The following GRIN2A variants were observed in gnomAD, a reference collection of about 807,000 sequenced individuals.
GRIN2A encodes the protein glutamate ionotropic receptor NMDA type subunit 2A.
GRIN2A carries 22 observed loss-of-function variants against 113.4 expected under a neutral mutation model. That is an observed-to-expected ratio of 0.19 (90% confidence interval 0.14 to 0.28). The LOEUF is 0.28. Among genes scored for constraint, GRIN2A ranks in the 10% least tolerant of loss-of-function variants. The probability of loss-of-function intolerance (pLI) is 1.00; values close to 1 mark genes in which losing one functional copy is unlikely to be tolerated. For missense variants in GRIN2A, 1,502 were observed against 1,887.0 expected, an observed-to-expected ratio of 0.80 and a Z score of 3.78; for synonymous variants, 827 against 738.4, an observed-to-expected ratio of 1.12 and a Z score of -1.94.
At chr16:10,152,733 G>C (rs954167150) in intron 2 of GRIN2A, among the ~76,000 whole-genome samples, 4 of 152,156 alleles carry the variant, frequency 2.6e-5, no homozygotes, top group Admixed American at 1.3e-4. Context: ...GGTACATCCA[G>C]ACAATAGAAT....
rs765294131 is a variant in GRIN2A, at chr16:10,078,763, TG to T, written c.414+101234del. 3.9e-5 allele frequency among the ~76,000 whole-genome samples: 6 copies of T among 152,280 alleles called. No homozygotes were observed. The East Asian group carries it at 1.2e-3, about 30-fold the overall frequency. On this transcript the variant is annotated intron_variant, in intron 2 of 12. Coordinates refer to ENST00000330684, the MANE Select transcript of GRIN2A (RefSeq NM_001134407.3). ...CAGGCCAAGAGAGGTGAGAAGCTGC[TG>T]GGGAGCTGATGTCACCACTACCCCC...
chr16:10,010,864 C>G (rs1305931909), intron 2 of GRIN2A, among the ~76,000 whole-genome samples: 1 of 152,186 alleles, frequency 6.6e-6, no homozygotes, highest in East Asian at 1.9e-4. Context: ...CTGCACAACT[C>G]CAGGGGGCAG....
intron 11 of GRIN2A, among the ~76,000 whole-genome samples, chr16:9,778,085 C>G (rs1349216092): frequency 6.6e-6 from 1 of 152,018 alleles, no homozygotes; most frequent in Non-Finnish European, 1.5e-5. Flanking sequence ...CAACAAAAAA[C>G]CCAACTACAA....
rs911953324 is a variant in GRIN2A at position 9,819,697 on chromosome 16, C to G, written c.2168+2567G>C. ...AATGACTTGTGGCTGGGTGCAGTGG[C>G]TCATGACTGTAATCCCAGCACTTTG... is the stretch of plus-strand genomic sequence containing the variant. On this transcript the variant is annotated intron_variant, in intron 10 of 12. Coordinates refer to ENST00000330684, the MANE Select transcript of GRIN2A (RefSeq NM_001134407.3). Among the ~76,000 whole-genome samples, 3 of 151,958 alleles carry G rather than the reference C, an allele frequency of 2.0e-5. 1 individual carries two copies. Among genetic ancestry groups the G allele is most frequent in the Admixed American group, 2.0e-4 (3 of 15,262 alleles).
intron 2 of GRIN2A, among the ~76,000 whole-genome samples, chr16:10,119,604 C>A (rs888420875): frequency 1.3e-5 from 2 of 152,164 alleles, no homozygotes; most frequent in Non-Finnish European, 2.9e-5. Flanking sequence ...TTCAGGGGTA[C>A]ATGTGCAGGT....
Position 9,756,569 on chromosome 16 carries a change from C to T in GRIN2A, c.*6580G>A, listed in dbSNP as rs1374460952. On this transcript the variant is annotated 3_prime_UTR_variant, in exon 13 of 13. Transcript: ENST00000330684. Reference sequence around the variant, plus strand: ...ATGTCTAACGTTAGGGATTTACTAGCTAATTCTAGTTGCTGACGAGGTTGA... The same window carrying T: ...ATGTCTAACGTTAGGGATTTACTAGTTAATTCTAGTTGCTGACGAGGTTGA... The T allele has an allele frequency of 4.9e-6, 1 of 204,544 alleles. No homozygotes were observed. Among genetic ancestry groups the T allele is most frequent in the Non-Finnish European group, 1.0e-5 (1 of 99,914 alleles). 12.7% of individuals were successfully genotyped at this position (204,544 alleles called of 1,614,324 possible). A position where few individuals can be genotyped will look rare whatever the true frequency, so the allele number is the denominator to read the frequency against.
chr16:9,775,205 A>AT (rs3216481), intron 11 of GRIN2A, among the ~76,000 whole-genome samples: 27 of 150,172 alleles, frequency 1.8e-4, no homozygotes, highest in South Asian at 6.4e-4. Flanking sequence ...ACGTCTACAT[A>AT]TTTTTTTTTT....
In GRIN2A at chr16:10,039,813, AAGAG is replaced by A. The variant is rs142696536; in HGVS notation, c.415-101266_415-101263del. ...GAGGGGGAGGGGGAGGGGGGGGAGA[AAGAG>A]AGAGAGAGAGAGAGAGAGGAGTCCT... On this transcript the variant is annotated intron_variant, in intron 2 of 12. Coordinates refer to ENST00000330684, the MANE Select transcript of GRIN2A (RefSeq NM_001134407.3). 1.8e-3 allele frequency among the ~76,000 whole-genome samples: 134 copies of A among 73,554 alleles called. 2 individuals are homozygous for A. Among genetic ancestry groups the A allele is most frequent in the East Asian group, 0.017 (34 of 2,052 alleles). The allele number at this position is 73,554 out of a possible 152,430, so 48.3% of individuals were successfully genotyped here.
intron 2 of GRIN2A, chr16:10,121,426 A>G (rs1271489860): frequency 2.0e-5 from 3 of 152,126 alleles, no homozygotes; most frequent in Non-Finnish European, 4.4e-5. Flanking sequence ...ACATCCGAAG[A>G]TTACCCCACA....
At chr16:9,791,213 G>A (rs1902586843) in intron 11 of GRIN2A, among the ~76,000 whole-genome samples, 1 of 152,090 alleles carries the variant, frequency 6.6e-6, no homozygotes, top group East Asian at 1.9e-4. Flanking sequence ...TAGCTTAGAG[G>A]TCTTTATGGG....
intron 2 of GRIN2A, among the ~76,000 whole-genome samples, chr16:10,155,971 G>T (rs1250749581): frequency 2.6e-5 from 4 of 152,182 alleles, no homozygotes; most frequent in African/African-American, 9.7e-5. Flanking sequence ...CAAGTTCAAA[G>T]GCTCAAAGGA....
intron 4 of GRIN2A, among the ~76,000 whole-genome samples, chr16:9,856,312 G>T (rs1238332419): frequency 2.6e-5 from 4 of 152,072 alleles, no homozygotes; most frequent in African/African-American, 7.2e-5. Context: ...TATTTTAAAG[G>T]TTACAACAAG....
chr16:9,770,583 A>G (rs921695876), intron 11 of GRIN2A, among the ~76,000 whole-genome samples: 2 of 152,046 alleles, frequency 1.3e-5, no homozygotes, highest in African/African-American at 4.8e-5. Flanking sequence ...TGCAATCTAT[A>G]TTTTCTCTCT....
intron 2 of GRIN2A, among the ~76,000 whole-genome samples, chr16:9,964,644 C>T (rs919786556): frequency 2.0e-5 from 3 of 152,066 alleles, no homozygotes; most frequent in Admixed American, 6.5e-5. Flanking sequence ...CGGCTTATGA[C>T]TCCTTCCTTC....
At position 9,848,671 on chromosome 16, in the gene GRIN2A, T is replaced by C. The variant is rs573666262; in HGVS notation, c.1328+1085A>G. The stretch of plus-strand genomic sequence containing the variant: ...TTATATATTTAATACATAAAATATA[T>C]GTTTTATAATATTTTAAATATATAA... On this transcript the variant is annotated intron_variant, in intron 5 of 12. Coordinates refer to ENST00000330684, the MANE Select transcript of GRIN2A (RefSeq NM_001134407.3). Among the ~76,000 whole-genome samples the C allele has an allele frequency of 2.2e-4, 17 of 76,550 alleles. No individual in the cohort carries two copies. The South Asian group carries it at 5.1e-3, about 23-fold the overall frequency. The allele number at this position is 76,550 out of a possible 152,430, so 50.2% of individuals were successfully genotyped here.
chr16:10,085,231 C>A (rs578184522), intron 2 of GRIN2A, among the ~76,000 whole-genome samples: 2 of 152,242 alleles, frequency 1.3e-5, no homozygotes, highest in Non-Finnish European at 2.9e-5. Context: ...ATCTCGCAGG[C>A]TGGGGAGTGT....
At chr16:9,989,686 G>GA (rs1042405120) in intron 2 of GRIN2A, among the ~76,000 whole-genome samples, 7 of 150,994 alleles carry the variant, frequency 4.6e-5, no homozygotes, top group African/African-American at 7.3e-5. Context: ...CTTAAATCAA[G>GA]AAAAAAAACA....
intron 10 of GRIN2A, among the ~76,000 whole-genome samples, chr16:9,819,018 A>C (rs894271389): frequency 2.0e-5 from 3 of 152,226 alleles, no homozygotes; most frequent in Non-Finnish European, 4.4e-5. Context: ...ATAATGAAAG[A>C]TTATGACTCT....
rs2050253713 is a variant in GRIN2A, at chr16:10,180,805, G to A, written c.-18-376C>T. The A allele has an allele frequency of 8.1e-6, 3 of 370,574 alleles. No individual in the cohort carries two copies. The highest frequency in any genetic ancestry group is 1.5e-5 in the Non-Finnish European group (3 of 195,816). The allele number at this position is 370,574 out of a possible 1,614,324, so 23.0% of individuals were successfully genotyped here. ...TCTGTACCCCACCAAGCTCCTAGGT[G>A]CACAGAATAAACCCTCCATCCAACC... On this transcript the variant is annotated intron_variant, in intron 1 of 12. Transcript: ENST00000330684. This position sits in a 1 kb window ranked among gnomAD's most constrained non-coding sequence, Gnocchi z 7.0.
Sources: allele counts gnomAD v4.1 joint callset (sites outside exome capture counted in the v4.1 genomes callset), GRCh38; gene constraint gnomAD v4.1.1; non-coding constraint Gnocchi (gnomAD v3.1); transcripts MANE v1.5; gene names NCBI Gene and HGNC (gene_info 2026-07-23, HGNC 2026-07-21).